NEO1: variants seen among roughly 807,000 people sequenced by gnomAD.
The protein encoded by NEO1 is neogenin.
Under a neutral mutation model 159.7 loss-of-function variants are expected in NEO1, and 63 were observed. The ratio of observed to expected loss-of-function variants is 0.39; its 90% CI spans 0.32 to 0.49. The LOEUF is 0.49. Among genes scored for constraint, NEO1 ranks in the 20% least tolerant of loss-of-function variants. The pLI is 0.85. For missense variants in NEO1, 1,615 were observed against 1,831.0 expected, an observed-to-expected ratio of 0.88 and a Z score of 2.15; for synonymous variants, 633 against 662.0, an observed-to-expected ratio of 0.96 and a Z score of 0.67.
chr15:73,053,938 C>G (rs1484052570), intron 1 of NEO1, among the ~76,000 whole-genome samples: 1 of 152,208 alleles, frequency 6.6e-6, no homozygotes, highest in Admixed American at 6.5e-5. Flanking sequence ...ATAAACTTTT[C>G]ATTTCCTTGC....
At chr15:73,116,200 A>G (rs1272805353) in intron 1 of NEO1, among the ~76,000 whole-genome samples, 1 of 152,208 alleles carries the variant, frequency 6.6e-6, no homozygotes, top group Non-Finnish European at 1.5e-5. Flanking sequence ...TATGTTCAAC[A>G]GAGAATTTCA....
intron 7 of NEO1, among the ~76,000 whole-genome samples, chr15:73,209,990 C>T (rs1331010633): frequency 6.6e-6 from 1 of 151,948 alleles, no homozygotes; most frequent in Admixed American, 6.6e-5. Flanking sequence ...GCAACAAGAG[C>T]GAAACTCTGT....
At chr15:73,139,861 A>G (rs1488770818) in intron 5 of NEO1, among the ~76,000 whole-genome samples, 1 of 152,238 alleles carries the variant, frequency 6.6e-6, no homozygotes, top group African/African-American at 2.4e-5. Flanking sequence ...GACAGAGACC[A>G]TATGGCTCAC....
intron 7 of NEO1, among the ~76,000 whole-genome samples, chr15:73,205,236 A>G (rs968687541): frequency 3.3e-5 from 5 of 152,102 alleles, no homozygotes; most frequent in Non-Finnish European, 7.4e-5. Context: ...CCTGTTCCCT[A>G]TTCCCTTTCC....
chr15:73,099,930 C>T (rs1567192030), intron 1 of NEO1, among the ~76,000 whole-genome samples: 1 of 152,148 alleles, frequency 6.6e-6, no homozygotes, highest in South Asian at 2.1e-4. Flanking sequence ...GGAATTATAT[C>T]ATTTTCTACT....
chr15:73,301,470 G>A lies in NEO1; in HGVS notation c.4302+13G>A. ...AGACTCCGAGAGTGTAAGTTCGTGG[G>A]GCCATCAGTCCAGCCAGATTGCCTG... On this transcript the variant is annotated intron_variant, in intron 28 of 28. Coordinates refer to ENST00000261908, the MANE Select transcript of NEO1 (RefSeq NM_002499.4). 1 of 1,614,128 alleles carries A rather than the reference G, an allele frequency of 6.2e-7. No homozygotes were observed. Among genetic ancestry groups the A allele is most frequent in the Middle Eastern group, 1.6e-4 (1 of 6,062 alleles).
intron 7 of NEO1, among the ~76,000 whole-genome samples, chr15:73,204,378 A>G (rs185107511): frequency 3.9e-5 from 6 of 152,134 alleles, no homozygotes; most frequent in African/African-American, 4.8e-5. Flanking sequence ...TTAATTTTGG[A>G]AAATTCTCGC....
In NEO1 at chr15:73,172,295, G is replaced by A. The variant is rs117054674; in HGVS notation, c.1016-4108G>A. ...GCCTTGTGCTATGGAGTTACTTAGC[G>A]TCTCTGTGTATTAGTGTCCTTGCCT... On this transcript the variant is annotated intron_variant, in intron 5 of 28. Coordinates refer to ENST00000261908, the MANE Select transcript of NEO1 (RefSeq NM_002499.4). Among the ~76,000 whole-genome samples, 186 of 152,252 alleles carry A rather than the reference G, an allele frequency of 1.2e-3. 1 individual carries two copies. Among genetic ancestry groups the A allele is most frequent in the Non-Finnish European group, 2.1e-3 (141 of 68,028 alleles).
intron 7 of NEO1, among the ~76,000 whole-genome samples, chr15:73,206,869 AGAGAGACAGG>A (rs1567480592): frequency 6.6e-6 from 1 of 151,490 alleles, no homozygotes; most frequent in Non-Finnish European, 1.5e-5. Flanking sequence ...GTGTGTGTTT[AGAGAGACAGG>A]GTTTCACTTT....
At chr15:73,142,724 T>C (rs2032514431) in intron 5 of NEO1, among the ~76,000 whole-genome samples, 1 of 152,202 alleles carries the variant, frequency 6.6e-6, no homozygotes, top group South Asian at 2.1e-4. Flanking sequence ...CTTTCAACTT[T>C]GAGAATAATT....
Position 73,254,752 on chromosome 15 carries a change from G to T in NEO1, c.2015G>T (p.Arg672Leu). 1 of 1,614,052 alleles carries T rather than the reference G, an allele frequency of 6.2e-7. No homozygotes were observed. The highest frequency in any genetic ancestry group is 8.5e-7 in the Non-Finnish European group (1 of 1,179,986). Reference protein sequence around the residue: ...QNGQITGYKIRYRKASRKSDV... With the variant: ...QNGQITGYKILYRKASRKSDV... ...GGGCAGATTACTGGCTACAAGATTC[G>T]CTACCGAAAGGCCTCCCGAAAGAGT... Residue 672 changes from arginine (R) to leucine (L), a missense_variant, in exon 13 of 29, where the codon CGC becomes CTC. By Grantham distance (102) the Arg-to-Leu change is moderately radical. Coordinates refer to ENST00000261908, the MANE Select transcript of NEO1 (RefSeq NM_002499.4).
At chr15:73,102,378 T>A (rs2070450824) in intron 1 of NEO1, among the ~76,000 whole-genome samples, 1 of 151,862 alleles carries the variant, frequency 6.6e-6, no homozygotes, top group South Asian at 2.1e-4. Flanking sequence ...AAAAAAAAAT[T>A]TAATAAGGTT....
intron 7 of NEO1, among the ~76,000 whole-genome samples, chr15:73,233,252 A>G (rs1567553880): frequency 6.6e-6 from 1 of 152,228 alleles, no homozygotes; most frequent in Non-Finnish European, 1.5e-5. Context: ...CACAGTGGGC[A>G]TGGATTTTTC....
chr15:73,069,673 C>T (rs775802874), intron 1 of NEO1, among the ~76,000 whole-genome samples: 6 of 151,656 alleles, frequency 4.0e-5, no homozygotes, highest in East Asian at 3.9e-4. Flanking sequence ...TATACACATA[C>T]GTATATATAT....
rs200164512 is a variant in NEO1, at chr15:73,270,251, C to G, written c.2718+18C>G. 1 of 1,613,742 alleles carries G rather than the reference C, an allele frequency of 6.2e-7. No individual in the cohort carries two copies. Among genetic ancestry groups the G allele is most frequent in the South Asian group, 1.1e-5 (1 of 91,064 alleles). On this transcript the variant is annotated intron_variant, in intron 17 of 28. Transcript: ENST00000261908. The stretch of plus-strand genomic sequence containing the variant: ...AGTACAAGGTACTGACACATTTGCC[C>G]TGGCTGAAAAAAGCTAATCATTGAT...
intron 7 of NEO1, among the ~76,000 whole-genome samples, chr15:73,201,887 A>G (rs1182695395): frequency 1.3e-5 from 2 of 151,600 alleles, no homozygotes; most frequent in Non-Finnish European, 2.9e-5. Context: ...TAATTAATAT[A>G]TCAATATAAC....
rs376932162 is a variant in NEO1, at chr15:73,245,741, A to ATT, written c.1606+1255_1606+1256dup. 7.6e-4 allele frequency among the ~76,000 whole-genome samples: 111 copies of ATT among 145,178 alleles called. 1 individual carries two copies. The highest frequency in any genetic ancestry group is 3.5e-3 in the Middle Eastern group (1 of 288). ...AGGTGCCTGCCACCATGCCTAGCTA[A>ATT]TTTTTTTTTTTTTGTATTTTTAGTA... On this transcript the variant is annotated intron_variant, in intron 9 of 28. Transcript: ENST00000261908.
chr15:73,163,736 G>A (rs541065633), intron 5 of NEO1, among the ~76,000 whole-genome samples: 2 of 152,296 alleles, frequency 1.3e-5, no homozygotes, highest in African/African-American at 4.8e-5. Context: ...GATGTTGCCA[G>A]TGCTATTGGT....
chr15:73,224,281 T>C (rs1246615118), intron 7 of NEO1, among the ~76,000 whole-genome samples: 1 of 152,194 alleles, frequency 6.6e-6, no homozygotes, highest in Admixed American at 6.5e-5. Context: ...CTGATGACAG[T>C]GTGCTTAGGT....
Sources: allele counts gnomAD v4.1 joint callset (sites outside exome capture counted in the v4.1 genomes callset), GRCh38; gene constraint gnomAD v4.1.1; transcripts MANE v1.5; gene names NCBI Gene and HGNC (gene_info 2026-07-23, HGNC 2026-07-21).